The following AMOTL1 variants were observed in gnomAD, a reference collection of about 807,000 sequenced individuals.
AMOTL1 encodes the protein angiomotin like 1.
In AMOTL1, 45 loss-of-function variants were observed where a neutral mutation model predicts 102.9. The ratio of observed to expected loss-of-function variants is 0.44; its 90% CI spans 0.34 to 0.56. The LOEUF is 0.56. AMOTL1 is among the 20% of genes least tolerant of loss of function. The probability of loss-of-function intolerance (pLI) is 0.01; values close to 1 mark genes in which losing one functional copy is unlikely to be tolerated. For missense variants in AMOTL1, 1,114 were observed against 1,225.6 expected (o/e 0.91, Z 1.36); for synonymous variants, 481 against 484.7 (o/e 0.99, Z 0.10).
At chr11:94,825,329 G>A (rs72973809) in intron 4 of AMOTL1, among the ~76,000 whole-genome samples, 36,257 of 152,140 alleles carry the variant, frequency 0.24, 4,930 homozygotes, top group East Asian at 0.46. Context: ...TTGCACAGCA[G>A]GCCTTTCTTT....
chr11:94,761,978 A>G (rs1467075844), intron 3 of AMOTL1, among the ~76,000 whole-genome samples: 2 of 152,212 alleles, frequency 1.3e-5, no homozygotes, highest in Non-Finnish European at 2.9e-5. Context: ...TGGGGATTAC[A>G]AGGGTTCTTT....
chr11:94,829,977 C>T (rs1952040332), intron 4 of AMOTL1, 73 bp from the exon 5 acceptor site: 2 of 1,447,512 alleles, frequency 1.4e-6, no homozygotes, highest in South Asian at 2.9e-5. Flanking sequence ...CTGGCAATGT[C>T]TAAGAATCCA....
intron 3 of AMOTL1, among the ~76,000 whole-genome samples, chr11:94,805,756 G>T (rs1399730254): frequency 2.0e-5 from 3 of 152,110 alleles, no homozygotes; most frequent in Non-Finnish European, 4.4e-5. Flanking sequence ...TTGATTTTTT[G>T]GTATGTAGAT....
In AMOTL1 at chr11:94,869,267, C is replaced by A; in HGVS notation, c.2558C>A (p.Ala853Glu). 6.2e-7 allele frequency: 1 copy of A among 1,613,306 alleles called. No homozygotes were observed. Among genetic ancestry groups the A allele is most frequent in the Non-Finnish European group, 8.5e-7 (1 of 1,179,640 alleles). ...APLLPPPPTS[A>E]LSSIASTTAA... Reference sequence around the variant, plus strand: ...CTGCTGCCACCCCCACCCACCTCAGCACTGTCCTCCATAGCCTCCACTACG... The same window carrying A: ...CTGCTGCCACCCCCACCCACCTCAGAACTGTCCTCCATAGCCTCCACTACG... The change falls in exon 12 of 13, where the codon GCA becomes GAA. Residue 853 changes from alanine to glutamate, a missense_variant. Transcript: ENST00000433060.
chr11:94,849,991 A>G, intron 6 of AMOTL1, 123 bp from the exon 7 acceptor site: 12 of 1,131,906 alleles, frequency 1.1e-5, no homozygotes, highest in African/African-American at 1.6e-5. Flanking sequence ...CAGAAACAGC[A>G]ATTCAGTCCT....
chr11:94,769,663 T>C (rs897171480), intron 1 of AMOTL1, among the ~76,000 whole-genome samples: 3 of 152,216 alleles, frequency 2.0e-5, no homozygotes, highest in Non-Finnish European at 2.9e-5. Flanking sequence ...TTGGCCGGGC[T>C]AGCGTGTGGA....
chr11:94,730,415 T>C (rs536600179), intron 2 of AMOTL1, among the ~76,000 whole-genome samples: 1 of 152,150 alleles, frequency 6.6e-6, no homozygotes, highest in Non-Finnish European at 1.5e-5. Flanking sequence ...TGTTCTGGGA[T>C]CTCTTCCTGC....
chr11:94,826,650 T>A (rs919366016), intron 4 of AMOTL1, among the ~76,000 whole-genome samples: 4 of 152,114 alleles, frequency 2.6e-5, no homozygotes, highest in African/African-American at 9.7e-5. Flanking sequence ...TCCAGTCTAG[T>A]CTTACTACTG....
intron 8 of AMOTL1, among the ~76,000 whole-genome samples, chr11:94,856,023 G>A (rs528004931): frequency 5.3e-5 from 8 of 152,168 alleles, no homozygotes; most frequent in Non-Finnish European, 1.2e-4. Flanking sequence ...AAACAGAATT[G>A]TGATGCTCAG....
At chr11:94,852,765 A>G (rs1056946710) in intron 7 of AMOTL1, among the ~76,000 whole-genome samples, 1 of 152,222 alleles carries the variant, frequency 6.6e-6, no homozygotes, top group Non-Finnish European at 1.5e-5. Context: ...ACCTATCTAT[A>G]AAGGACTCTG....
intron 2 of AMOTL1, among the ~76,000 whole-genome samples, chr11:94,737,727 C>G (rs1950456663): frequency 6.6e-6 from 1 of 152,224 alleles, no homozygotes; most frequent in Non-Finnish European, 1.5e-5. Context: ...TGAGCCCATC[C>G]ACTCATAAGA....
At chr11:94,823,201 T>G (rs1289242488) in intron 4 of AMOTL1, among the ~76,000 whole-genome samples, 1 of 152,136 alleles carries the variant, frequency 6.6e-6, no homozygotes, top group African/African-American at 2.4e-5. Flanking sequence ...GGTGCATGTG[T>G]TTACAGACAA....
rs538691634 is a variant in AMOTL1, at chr11:94,752,061, A to G, written c.136+11073A>G. On this transcript the variant is annotated intron_variant, in intron 3 of 4. Transcript: ENST00000299004. ...ATTCTTGCCGGATGATCATTGTGGA[A>G]TTTATCCTGTTTGTTTTTTATTACT... is the stretch of plus-strand genomic sequence containing the variant. Among the ~76,000 whole-genome samples, 8 of 152,196 alleles carry G rather than the reference A, an allele frequency of 5.3e-5. No individual in the cohort carries two copies. The South Asian group carries it at 1.7e-3, about 32-fold the overall frequency.
chr11:94,856,303 A>G (rs1332864307), intron 8 of AMOTL1, among the ~76,000 whole-genome samples: 1 of 152,150 alleles, frequency 6.6e-6, no homozygotes, highest in Non-Finnish European at 1.5e-5. Flanking sequence ...GTTCCCAGTA[A>G]GCATACATTA....
rs964592140 is a variant in AMOTL1, at chr11:94,749,870, C to T, written c.136+8882C>T. ...GATTTGGCATATAAGTTAAATAATA[C>T]TGTCACTTATCTCCTCTTCCCTATC... On this transcript the variant is annotated intron_variant, in intron 3 of 4. Coordinates refer to the AMOTL1 transcript ENST00000299004. Among the ~76,000 whole-genome samples, 11 of 152,340 alleles carry T rather than the reference C, an allele frequency of 7.2e-5. No homozygotes were observed. The South Asian group carries it at 1.9e-3, about 26-fold the overall frequency.
At chr11:94,864,593 G>A in intron 9 of AMOTL1, 142 bp from the exon 10 acceptor site, 2 of 1,163,850 alleles carry the variant, frequency 1.7e-6, no homozygotes, top group Non-Finnish European at 1.2e-6. Context: ...AAATTGGGAG[G>A]GAAAGGCTTC....
intron 3 of AMOTL1, among the ~76,000 whole-genome samples, chr11:94,814,231 C>T (rs1951728847): frequency 6.6e-6 from 1 of 152,164 alleles, no homozygotes; most frequent in Admixed American, 6.5e-5. Flanking sequence ...CATACGTCAT[C>T]AGTGATGGTG....
intron 3 of AMOTL1, among the ~76,000 whole-genome samples, chr11:94,805,875 C>T (rs563489745): frequency 1.6e-4 from 25 of 152,288 alleles, no homozygotes; most frequent in African/African-American, 5.8e-4. Context: ...GATTTCCTGT[C>T]GTAAAGCAGA....
At chr11:94,789,984 C>A (rs1951255677) in intron 1 of AMOTL1, among the ~76,000 whole-genome samples, 1 of 152,140 alleles carries the variant, frequency 6.6e-6, no homozygotes, top group Non-Finnish European at 1.5e-5. Flanking sequence ...AGTTAGTGGT[C>A]TCTTTGAGGA....
Sources: allele counts gnomAD v4.1 joint callset (sites outside exome capture counted in the v4.1 genomes callset), GRCh38; gene constraint gnomAD v4.1.1; transcripts MANE v1.5; gene names NCBI Gene and HGNC (gene_info 2026-07-23, HGNC 2026-07-21).